The following STK24 variants were observed in gnomAD, a reference collection of about 807,000 sequenced individuals.
STK24 encodes the protein serine/threonine kinase 24, also known as serine/threonine-protein kinase 24.
Under a neutral mutation model 55.6 loss-of-function variants are expected in STK24, and 21 were observed. The ratio of observed to expected loss-of-function variants is 0.38; its 90% CI spans 0.27 to 0.54. The LOEUF (loss-of-function observed/expected upper bound fraction) is 0.54, where lower values mean the gene tolerates loss of function less well. STK24 is among the 20% of genes least tolerant of loss of function. The pLI, the probability that STK24 is intolerant of heterozygous loss-of-function variation, is 0.79. For missense variants in STK24, 383 were observed against 538.4 expected, an observed-to-expected ratio of 0.71 and a Z score of 2.86; for synonymous variants, 200 against 215.2, an observed-to-expected ratio of 0.93 and a Z score of 0.62.
At chr13:98,461,960 C>T (rs527660863) in intron 7 of STK24, 63 bp from the exon 8 acceptor site, 12 of 1,596,322 alleles carry the variant, frequency 7.5e-6, no homozygotes, top group Middle Eastern at 3.7e-4. Flanking sequence ...GGCGCTGGGA[C>T]GTTCAGGGGG....
At chr13:98,524,404 T>C (rs1218341868) in intron 1 of STK24, among the ~76,000 whole-genome samples, 3 of 152,148 alleles carry the variant, frequency 2.0e-5, no homozygotes, top group African/African-American at 7.2e-5. Context: ...TGGAGAGGCC[T>C]GTTCTAGACA....
At chr13:98,576,171 G>A in intron 1 of STK24, 4 of 985,256 alleles carry the variant, frequency 4.1e-6, no homozygotes, top group Non-Finnish European at 4.8e-6. Flanking sequence ...CGGGGGCTCC[G>A]GGCAAAGCCA....
At chr13:98,534,408 CTTAGT>C (rs990583513) in intron 1 of STK24, among the ~76,000 whole-genome samples, 1 of 152,196 alleles carries the variant, frequency 6.6e-6, no homozygotes, top group Non-Finnish European at 1.5e-5. Flanking sequence ...TCGGGAGGAA[CTTAGT>C]TTATAGTTTA....
chr13:98,546,890 A>T (rs562998726), intron 1 of STK24, among the ~76,000 whole-genome samples: 1 of 90,364 alleles, frequency 1.1e-5, no homozygotes, highest in Non-Finnish European at 2.5e-5. Context: ...TTCCTTCCAT[A>T]TCTAATTGTT....
intron 1 of STK24, among the ~76,000 whole-genome samples, chr13:98,575,062 G>A (rs1020124890): frequency 6.6e-6 from 1 of 152,116 alleles, no homozygotes. Context: ...AGGAAATATT[G>A]ATAAAACTTT....
At chr13:98,508,247 G>A (rs72655633) in intron 2 of STK24, among the ~76,000 whole-genome samples, 5,700 of 152,222 alleles carry the variant, frequency 0.037, 159 homozygotes, top group South Asian at 0.12. Context: ...AATCATATAA[G>A]GTGAAAAACT....
chr13:98,456,480 C>T (rs1594567852), intron 10 of STK24: 2 of 511,858 alleles, frequency 3.9e-6, no homozygotes. Flanking sequence ...AGAGCGGCTT[C>T]CCAGCACACA....
chr13:98,554,048 G>A (rs1174569507), intron 1 of STK24, among the ~76,000 whole-genome samples: 2 of 146,426 alleles, frequency 1.4e-5, no homozygotes, highest in African/African-American at 2.6e-5. Context: ...GGTGATGGGC[G>A]ATGGAGCAAG....
At chr13:98,545,704 A>G (rs1289396418) in intron 1 of STK24, among the ~76,000 whole-genome samples, 1 of 151,986 alleles carries the variant, frequency 6.6e-6, no homozygotes, top group African/African-American at 2.4e-5. Context: ...CTGGCTGCTC[A>G]GTCAGTGATT....
At chr13:98,528,038 C>T (rs960586785) in intron 1 of STK24, among the ~76,000 whole-genome samples, 2 of 152,252 alleles carry the variant, frequency 1.3e-5, no homozygotes, top group South Asian at 2.1e-4. Flanking sequence ...ATCAGGCCTC[C>T]GCAAAGCTGG....
At chr13:98,488,134 C>A (rs1454866007) in intron 2 of STK24, among the ~76,000 whole-genome samples, 1 of 147,394 alleles carries the variant, frequency 6.8e-6, no homozygotes, top group African/African-American at 2.5e-5. Context: ...TGATCCAATA[C>A]GGCTGGTGTC....
chr13:98,460,681 T>G (rs1189150233), intron 8 of STK24, among the ~76,000 whole-genome samples: 2 of 152,054 alleles, frequency 1.3e-5, no homozygotes, highest in Non-Finnish European at 1.5e-5. Flanking sequence ...GCATCTGGGT[T>G]CCATGTGGAA....
intron 7 of STK24, 60 bp from the exon 8 acceptor site, chr13:98,461,957 G>A (rs1893725162): frequency 1.3e-6 from 2 of 1,598,024 alleles, no homozygotes. Context: ...GGGGGCGCTG[G>A]GACGTTCAGG....
At position 98,573,281 on chromosome 13, in the gene STK24, C is replaced by T. The variant is rs545929362; in HGVS notation, c.42+3464G>A. Among the ~76,000 whole-genome samples the T allele has an allele frequency of 6.6e-5, 10 of 152,298 alleles. No individual in the cohort carries two copies. In the East Asian group the frequency reaches 1.9e-3, roughly 29 times the overall value. ...GTAACAGAAATGTGCAAACCAAAAT[C>T]TCATTTTTAAATCACATTTCTGCAA... On this transcript the variant is annotated intron_variant, in intron 1 of 10. Transcript: ENST00000539966.
At position 98,576,825 on chromosome 13, in the gene STK24, G is replaced by A. The variant is rs555072328; in HGVS notation, c.-39C>T. ...GCCACTTCCTGGGACGGGACGGCCG[G>A]GCCGCGACGATCCGCGCGGGGCGGC... On this transcript the variant is annotated 5_prime_UTR_variant, in exon 1 of 11. Coordinates refer to ENST00000539966, the MANE Select transcript of STK24 (RefSeq NM_001032296.4). 607 of 1,203,894 alleles carry A rather than the reference G, an allele frequency of 5.0e-4. No individual in the cohort carries two copies. The African/African-American group carries it at 9.0e-3, about 18-fold the overall frequency. 74.6% of individuals were successfully genotyped at this position (1,203,894 alleles called of 1,614,324 possible). A position where few individuals can be genotyped will look rare whatever the true frequency, so the allele number is the denominator to read the frequency against.
intron 10 of STK24, 133 bp downstream of exon 10, chr13:98,457,035 A>T: frequency 9.1e-7 from 1 of 1,102,424 alleles, no homozygotes; most frequent in Non-Finnish European, 1.3e-6. Flanking sequence ...CTCTAATTCA[A>T]CTCTGTCTAC....
intron 1 of STK24, among the ~76,000 whole-genome samples, chr13:98,559,168 C>T (rs545236207): frequency 2.0e-5 from 3 of 151,916 alleles, no homozygotes; most frequent in African/African-American, 4.8e-5. Context: ...GAGCGAACTC[C>T]GTCTCAAAAA....
At chr13:98,471,766 TGAA>T (rs1471131294) in intron 5 of STK24, among the ~76,000 whole-genome samples, 1 of 152,186 alleles carries the variant, frequency 6.6e-6, no homozygotes, top group East Asian at 1.9e-4. Flanking sequence ...TTCAGTGAGA[TGAA>T]GAAGCTAGTG....
Position 98,446,478 on chromosome 13 carries a change from T to A in STK24, c.*6695A>T, listed in dbSNP as rs1257927146. 1.6e-6 allele frequency: 1 copy of A among 633,016 alleles called. No individual in the cohort carries two copies. Among genetic ancestry groups the A allele is most frequent in the African/African-American group, 1.9e-5 (1 of 54,052 alleles). 39.2% of individuals were successfully genotyped at this position (633,016 alleles called of 1,614,324 possible). A position where few individuals can be genotyped will look rare whatever the true frequency, so the allele number is the denominator to read the frequency against. ...GGGGTTGGCTTTATCTACAGCTCAG[T>A]CCTGGCGGGACTTGCCACCCGGGCC... On this transcript the variant is annotated 3_prime_UTR_variant, in exon 11 of 11. Coordinates refer to ENST00000539966, the MANE Select transcript of STK24 (RefSeq NM_001032296.4).
Sources: allele counts gnomAD v4.1 joint callset (sites outside exome capture counted in the v4.1 genomes callset), GRCh38; gene constraint gnomAD v4.1.1; transcripts MANE v1.5; gene names NCBI Gene and HGNC (gene_info 2026-07-23, HGNC 2026-07-21).